The following MMP26 variants were observed in gnomAD, a reference collection of about 807,000 sequenced individuals.
MMP26 encodes the protein matrix metallopeptidase 26.
Under a neutral mutation model 31.0 loss-of-function variants are expected in MMP26, and 33 were observed. The ratio of observed to expected loss-of-function variants is 1.06; its 90% CI spans 0.81 to 1.42. The LOEUF is 1.42. Among genes scored for constraint, MMP26 ranks in the 40% most tolerant of loss-of-function variants. The pLI, the probability that MMP26 is intolerant of heterozygous loss-of-function variation, is 0.00. For missense variants in MMP26, 347 were observed against 316.1 expected (o/e 1.10, Z -0.74); for synonymous variants, 122 against 114.9 (o/e 1.06, Z -0.40).
intron 2 of MMP26, among the ~76,000 whole-genome samples, chr11:4,796,401 C>G (rs1008144308): frequency 1.3e-5 from 2 of 152,180 alleles, no homozygotes; most frequent in African/African-American, 4.8e-5. Flanking sequence ...ACTTGAAGTA[C>G]ATGTATTGCA....
At chr11:4,977,154 T>G (rs572310621) in intron 2 of MMP26, among the ~76,000 whole-genome samples, 1 of 151,442 alleles carries the variant, frequency 6.6e-6, no homozygotes, top group Non-Finnish European at 1.5e-5. Context: ...CATATTTGTC[T>G]TTGATAATGA....
At chr11:4,926,002 A>AT (rs769067073) in intron 2 of MMP26, among the ~76,000 whole-genome samples, 1 of 152,084 alleles carries the variant, frequency 6.6e-6, no homozygotes, top group Non-Finnish European at 1.5e-5. Context: ...GAATATTAGG[A>AT]TTTTTTAGAA....
intron 1 of MMP26, chr11:4,723,287 G>T: frequency 1.9e-6 from 2 of 1,027,870 alleles, no homozygotes; most frequent in Non-Finnish European, 3.1e-6. Context: ...GTGCGCTGCG[G>T]GTCATCCTCC....
intron 2 of MMP26, chr11:4,804,629 G>A: frequency 3.0e-6 from 2 of 660,768 alleles, no homozygotes; most frequent in Non-Finnish European, 5.8e-6. Flanking sequence ...CTAGTTGCAT[G>A]TGTAACTGTT....
intron 2 of MMP26, chr11:4,882,400 T>G: frequency 6.2e-7 from 1 of 1,613,924 alleles, no homozygotes; most frequent in Non-Finnish European, 8.5e-7. Flanking sequence ...CCATAAACAC[T>G]GTGTCTTTTC....
intron 2 of MMP26, among the ~76,000 whole-genome samples, chr11:4,977,125 T>C (rs1460215500): frequency 1.3e-5 from 2 of 151,354 alleles, no homozygotes; most frequent in Non-Finnish European, 2.9e-5. Context: ...ACTTAAAGAT[T>C]TCTTGCTCTT....
At chr11:4,793,086 C>G (rs539065162) in intron 2 of MMP26, among the ~76,000 whole-genome samples, 1 of 152,086 alleles carries the variant, frequency 6.6e-6, no homozygotes, top group Non-Finnish European at 1.5e-5. Flanking sequence ...TTTGAATGGG[C>G]GGGTGTGTTT....
chr11:4,982,185 A>G (rs1176496907), intron 2 of MMP26, among the ~76,000 whole-genome samples: 1 of 152,102 alleles, frequency 6.6e-6, no homozygotes, highest in Non-Finnish European at 1.5e-5. Flanking sequence ...TAGTAAATAC[A>G]TACACCAATA....
chr11:4,744,630 T>G (rs1293572732), intron 1 of MMP26, among the ~76,000 whole-genome samples: 1 of 152,184 alleles, frequency 6.6e-6, no homozygotes, highest in Admixed American at 6.5e-5. Flanking sequence ...CAAAAAAACT[T>G]ATTCTTAAGG....
intron 1 of MMP26, among the ~76,000 whole-genome samples, chr11:4,719,914 C>A (rs551532439): frequency 6.6e-6 from 1 of 152,148 alleles, no homozygotes; most frequent in African/African-American, 2.4e-5. Context: ...TAAACTTCTC[C>A]CTTAAAGAGA....
intron 2 of MMP26, among the ~76,000 whole-genome samples, chr11:4,828,330 T>G (rs1320081266): frequency 6.6e-6 from 1 of 152,156 alleles, no homozygotes; most frequent in African/African-American, 2.4e-5. Flanking sequence ...ATTATCCTAC[T>G]CACTGACGAT....
At chr11:4,983,842 T>A (rs1846848706) in intron 2 of MMP26, among the ~76,000 whole-genome samples, 1 of 152,210 alleles carries the variant, frequency 6.6e-6, no homozygotes. Context: ...TGTTAGAAAT[T>A]TAGAATATTA....
rs139183550 is a variant in MMP26 at position 4,806,881 on chromosome 11, A to G, written c.-145+39540A>G. ...TCCCAGACTTTCCAAGCTGTTTTGT[A>G]TATTCTGTTTGAGCCGAAGTCTTTC... is the stretch of plus-strand genomic sequence containing the variant. On this transcript the variant is annotated intron_variant, in intron 2 of 7. Transcript: ENST00000380390. Among the ~76,000 whole-genome samples, 1,304 of 152,072 alleles carry G rather than the reference A, an allele frequency of 8.6e-3. 28 individuals are homozygous for G. The highest frequency in any genetic ancestry group is 0.03 in the African/African-American group (1,243 of 41,472).
chr11:4,940,033 A>T (rs1032609273), intron 2 of MMP26, among the ~76,000 whole-genome samples: 3 of 151,918 alleles, frequency 2.0e-5, no homozygotes, highest in African/African-American at 7.2e-5. Context: ...TTGAGATTTA[A>T]TTAAAATATA....
intron 1 of MMP26, chr11:4,723,898 T>A (rs991034222): frequency 2.8e-6 from 3 of 1,076,008 alleles, no homozygotes; most frequent in Non-Finnish European, 4.3e-6. Flanking sequence ...GATCTGCTCC[T>A]TCTCCTGGGT....
chr11:4,991,121 A>G (rs890830902), intron 5 of MMP26, among the ~76,000 whole-genome samples: 2 of 152,074 alleles, frequency 1.3e-5, no homozygotes, highest in African/African-American at 4.8e-5. Flanking sequence ...TATCATTATT[A>G]TTGTTGTCTA....
intron 2 of MMP26, among the ~76,000 whole-genome samples, chr11:4,786,126 G>T (rs1278902234): frequency 6.6e-6 from 1 of 152,074 alleles, no homozygotes; most frequent in Non-Finnish European, 1.5e-5. Flanking sequence ...TCTCAGCCTG[G>T]GTGTGTGTGA....
At chr11:4,844,305 ATACGATGG>A (rs1194427687) in intron 2 of MMP26, among the ~76,000 whole-genome samples, 1 of 152,202 alleles carries the variant, frequency 6.6e-6, no homozygotes, top group Non-Finnish European at 1.5e-5. Flanking sequence ...AAAGCCTGGG[ATACGATGG>A]ATTCACTGCT....
At chr11:4,975,746 A>G (rs990052498) in intron 2 of MMP26, among the ~76,000 whole-genome samples, 1 of 151,914 alleles carries the variant, frequency 6.6e-6, no homozygotes, top group African/African-American at 2.4e-5. Context: ...CCTCCTGTGG[A>G]TGTATGGAGA....
Sources: allele counts gnomAD v4.1 joint callset (sites outside exome capture counted in the v4.1 genomes callset), GRCh38; gene constraint gnomAD v4.1.1; transcripts MANE v1.5; gene names NCBI Gene and HGNC (gene_info 2026-07-23, HGNC 2026-07-21).